Variants in MINDY2 observed in about 807,000 individuals in gnomAD.
MINDY2 encodes the protein ubiquitin carboxyl-terminal hydrolase MINDY-2.
MINDY2 carries 52 observed loss-of-function variants against 68.2 expected under a neutral mutation model. That is an observed-to-expected ratio of 0.76 (90% confidence interval 0.61 to 0.96). The LOEUF (loss-of-function observed/expected upper bound fraction) is 0.96, where lower values mean the gene tolerates loss of function less well. Among genes scored for constraint, MINDY2 ranks in the 40% least tolerant of loss-of-function variants. MINDY2 has a pLI of 0.00. For synonymous variants in MINDY2, 372 were observed against 303.0 expected (o/e 1.23, Z -2.36); for missense variants, 881 against 773.4 (o/e 1.14, Z -1.65).
At position 58,861,595 on chromosome 15, in the gene MINDY2, A is replaced by G. The variant is rs182245800; in HGVS notation, c.*6985A>G. 6.6e-6 allele frequency: 1 copy of G among 152,320 alleles called. No individual in the cohort carries two copies. The highest frequency in any genetic ancestry group is 6.5e-5 in the Admixed American group (1 of 15,294). The allele number at this position is 152,320 out of a possible 1,614,324, so 9.4% of individuals were successfully genotyped here. ...TGAAATAAATTTGTTTTAAATACTA[A>G]TTATTTTAAAACTACTTAATTCTTA... On this transcript the variant is annotated 3_prime_UTR_variant, in exon 9 of 9. Coordinates refer to ENST00000559228, the MANE Select transcript of MINDY2 (RefSeq NM_001040450.3).
At chr15:58,775,957 G>T (rs1242798647) in intron 1 of MINDY2, among the ~76,000 whole-genome samples, 1 of 151,190 alleles carries the variant, frequency 6.6e-6, no homozygotes, top group African/African-American at 2.4e-5. Flanking sequence ...CTGCCTCCCG[G>T]GTTCAAGTGA....
At chr15:58,837,934 A>G (rs138790473) in intron 6 of MINDY2, among the ~76,000 whole-genome samples, 2 of 144,712 alleles carry the variant, frequency 1.4e-5, no homozygotes, top group African/African-American at 2.6e-5. Context: ...ATGCCACTGC[A>G]CTCCAACCTG....
chr15:58,819,236 C>G (rs575947400), intron 4 of MINDY2, among the ~76,000 whole-genome samples: 1 of 152,124 alleles, frequency 6.6e-6, no homozygotes, highest in African/African-American at 2.4e-5. Context: ...ATTGCTTGAG[C>G]CCAGGAGTTT....
At position 58,856,528 on chromosome 15, in the gene MINDY2, A is replaced by G. The variant is rs1282613047; in HGVS notation, c.*1918A>G. On this transcript the variant is annotated 3_prime_UTR_variant, in exon 9 of 9. Coordinates refer to ENST00000559228, the MANE Select transcript of MINDY2 (RefSeq NM_001040450.3). ...TCCTATGGTAGCATGATAAATCATC[A>G]AAGAACCTGTTTGGGATATAAAACT... The G allele has an allele frequency of 6.6e-6, 1 of 152,458 alleles. No individual in the cohort carries two copies. Among genetic ancestry groups the G allele is most frequent in the African/African-American group, 2.4e-5 (1 of 41,468 alleles). The allele number at this position is 152,458 out of a possible 1,614,324, so 9.4% of individuals were successfully genotyped here.
intron 6 of MINDY2, among the ~76,000 whole-genome samples, chr15:58,843,237 T>G (rs761687462): frequency 6.6e-6 from 1 of 152,098 alleles, no homozygotes; most frequent in Non-Finnish European, 1.5e-5. Context: ...GGATCCTCTA[T>G]CTCTTGGGTT....
At chr15:58,844,070 T>G (rs1306903422) in intron 6 of MINDY2, among the ~76,000 whole-genome samples, 1 of 152,058 alleles carries the variant, frequency 6.6e-6, no homozygotes, top group Non-Finnish European at 1.5e-5. Flanking sequence ...AGAAGGAAGA[T>G]TTGAGTCTTA....
chr15:58,822,566 C>A (rs1294086862), intron 5 of MINDY2, among the ~76,000 whole-genome samples: 2 of 152,140 alleles, frequency 1.3e-5, no homozygotes, highest in African/African-American at 2.4e-5. Flanking sequence ...CAGTATAATA[C>A]AATATTAAAG....
intron 6 of MINDY2, among the ~76,000 whole-genome samples, chr15:58,840,034 A>G (rs1456629596): frequency 6.6e-6 from 1 of 151,938 alleles, no homozygotes; most frequent in Non-Finnish European, 1.5e-5. Flanking sequence ...GGGTTTTGTC[A>G]TATTGCCCAG....
chr15:58,788,666 TCACC>T (rs1901669335), intron 2 of MINDY2, among the ~76,000 whole-genome samples: 1 of 152,214 alleles, frequency 6.6e-6, no homozygotes, highest in African/African-American at 2.4e-5. Context: ...ATTTATACTA[TCACC>T]AAATAGGAAA....
chr15:58,779,376 C>G (rs576126611), intron 1 of MINDY2, among the ~76,000 whole-genome samples: 3 of 152,324 alleles, frequency 2.0e-5, no homozygotes, highest in Admixed American at 2.0e-4. Context: ...AGTTTTTGCT[C>G]TATTTCTCCC....
chr15:58,780,601 C>T (rs1901071799), intron 1 of MINDY2, among the ~76,000 whole-genome samples: 1 of 152,092 alleles, frequency 6.6e-6, no homozygotes, highest in Non-Finnish European at 1.5e-5. Flanking sequence ...GTCAGAGAAG[C>T]AGAAATGGAC....
At chr15:58,820,549 G>T (rs2030993988) in intron 4 of MINDY2, among the ~76,000 whole-genome samples, 1 of 152,098 alleles carries the variant, frequency 6.6e-6, no homozygotes, top group African/African-American at 2.4e-5. Flanking sequence ...CCAATCATCA[G>T]TTCCAGTTGT....
At chr15:58,828,906 A>T (rs1395309765) in intron 5 of MINDY2, among the ~76,000 whole-genome samples, 1 of 152,144 alleles carries the variant, frequency 6.6e-6, no homozygotes, top group Non-Finnish European at 1.5e-5. Flanking sequence ...CTTCTCAGGA[A>T]AATAAGGCTT....
In MINDY2 at chr15:58,791,250, T is replaced by C. The variant is rs564763014; in HGVS notation, c.898+3287T>C. Among the ~76,000 whole-genome samples, 13 of 98,612 alleles carry C rather than the reference T, an allele frequency of 1.3e-4. 1 individual carries two copies. In the East Asian group the frequency reaches 4.7e-3, roughly 36 times the overall value. 64.7% of individuals were successfully genotyped at this position (98,612 alleles called of 152,430 possible). ...ATATATATATATATATATATATATA[T>C]ATATATCTTGAGTTCAGAGGAGAGG... On this transcript the variant is annotated intron_variant, in intron 2 of 8. Coordinates refer to ENST00000559228, the MANE Select transcript of MINDY2 (RefSeq NM_001040450.3).
intron 3 of MINDY2, among the ~76,000 whole-genome samples, chr15:58,809,185 C>T (rs192037410): frequency 6.6e-6 from 1 of 152,290 alleles, no homozygotes; most frequent in Admixed American, 6.5e-5. Context: ...GCACTCTAGC[C>T]TGGGCAACAG....
intron 1 of MINDY2, among the ~76,000 whole-genome samples, chr15:58,780,893 A>C (rs1033431136): frequency 1.1e-4 from 16 of 152,152 alleles, no homozygotes; most frequent in African/African-American, 3.6e-4. Context: ...GTAGCCTTCA[A>C]AATGGTCTCT....
At chr15:58,797,159 T>A (rs1260522058) in intron 2 of MINDY2, among the ~76,000 whole-genome samples, 1 of 152,168 alleles carries the variant, frequency 6.6e-6, no homozygotes, top group Non-Finnish European at 1.5e-5. Context: ...ATCAGTAATT[T>A]AAAAATATTG....
intron 4 of MINDY2, among the ~76,000 whole-genome samples, chr15:58,810,636 A>T (rs1029304881): frequency 3.3e-5 from 5 of 152,178 alleles, no homozygotes; most frequent in Admixed American, 1.3e-4. Context: ...GACCACCCGT[A>T]CTTCTCACAC....
intron 2 of MINDY2, among the ~76,000 whole-genome samples, chr15:58,793,119 G>T (rs1483274205): frequency 6.6e-6 from 1 of 152,166 alleles, no homozygotes; most frequent in Non-Finnish European, 1.5e-5. Flanking sequence ...ACTGCTAATG[G>T]GTACAGGGTT....
Sources: allele counts gnomAD v4.1 joint callset (sites outside exome capture counted in the v4.1 genomes callset), GRCh38; gene constraint gnomAD v4.1.1; transcripts MANE v1.5; gene names NCBI Gene and HGNC (gene_info 2026-07-23, HGNC 2026-07-21).